AGBL3: variants seen among roughly 807,000 people sequenced by gnomAD.
The protein encoded by AGBL3 is AGBL carboxypeptidase 3.
AGBL3 carries 68 observed loss-of-function variants against 94.5 expected under a neutral mutation model. The observed-to-expected ratio is 0.72, with a 90% CI of 0.59 to 0.88. AGBL3 has a LOEUF of 0.88. Ranked by LOEUF, AGBL3 falls within the 40% of genes least tolerant of loss-of-function variation. The pLI is 0.00. For synonymous variants in AGBL3, 354 were observed against 370.7 expected, an observed-to-expected ratio of 0.95 and a Z score of 0.52; for missense variants, 934 against 1,103.8, an observed-to-expected ratio of 0.85 and a Z score of 2.18.
At chr7:135,077,196 C>T (rs1249522288) in intron 13 of AGBL3, among the ~76,000 whole-genome samples, 2 of 152,140 alleles carry the variant, frequency 1.3e-5, no homozygotes, top group African/African-American at 4.8e-5. Flanking sequence ...CTGTTGCTAA[C>T]TCAGGTGAGT....
chr7:135,073,807 T>C (rs1174662556), intron 12 of AGBL3, among the ~76,000 whole-genome samples: 1 of 152,110 alleles, frequency 6.6e-6, no homozygotes, highest in Non-Finnish European at 1.5e-5. Context: ...GCCTTTTTTA[T>C]GCAAATAAGC....
At position 135,135,013 on chromosome 7, in the gene AGBL3, A is replaced by G. The variant is rs758476920; in HGVS notation, c.2515A>G (p.Asn839Asp). Residue 839 changes from asparagine (N) to aspartate (D), a missense_variant, in exon 17 of 17, where the codon AAT (asparagine) becomes GAT (aspartate). Asn to Asp is a conservative substitution (Grantham distance 23, BLOSUM62 1). Around this residue, in one of 3 missense-constraint regions of AGBL3, gnomAD observed 441 missense variants for 518.2 expected, o/e 0.85. Transcript: ENST00000436302. ...ATCACCTCTCAAAGGCCCCAAGAAGAATAAACATTCTCAAATCTGGGCCAT... is the reference window on the plus strand; with the variant it reads ...ATCACCTCTCAAAGGCCCCAAGAAGGATAAACATTCTCAAATCTGGGCCAT... ...SLSPLKGPKK[N>D]KHSQIWAIKN... The G allele has an allele frequency of 3.9e-6, 6 of 1,551,100 alleles. No homozygotes were observed. Among genetic ancestry groups the G allele is most frequent in the Middle Eastern group, 1.7e-4 (1 of 6,014 alleles).
At chr7:135,131,459 T>A (rs369917008) in intron 16 of AGBL3, among the ~76,000 whole-genome samples, 2 of 149,884 alleles carry the variant, frequency 1.3e-5, no homozygotes, top group Admixed American at 6.6e-5. Context: ...AAACAAAAAT[T>A]AAAAAAAAAA....
chr7:135,129,622 C>T lies in AGBL3; in HGVS notation c.2343-5219C>T, dbSNP rs1279209062. ...AAACATTTCACTGATCCTGCTTCAACATGTCTTAAACAGCTGTTTTATGCT... is the reference window on the plus strand; with the variant it reads ...AAACATTTCACTGATCCTGCTTCAATATGTCTTAAACAGCTGTTTTATGCT... On this transcript the variant is annotated intron_variant, in intron 16 of 16. Transcript: ENST00000436302. The T allele has an allele frequency of 1.2e-5, 9 of 777,204 alleles. No homozygotes were observed. In the Admixed American group the frequency reaches 1.4e-4, roughly 12 times the overall value. 48.1% of individuals were successfully genotyped at this position (777,204 alleles called of 1,614,324 possible).
intron 4 of AGBL3, among the ~76,000 whole-genome samples, chr7:135,009,761 A>C (rs959553677): frequency 2.0e-5 from 3 of 152,202 alleles, no homozygotes; most frequent in Admixed American, 1.3e-4. Flanking sequence ...CTGCAGCCCC[A>C]AGGGGCTTCA....
chr7:135,081,028 A>T lies in AGBL3; in HGVS notation c.2039-691A>T, dbSNP rs191598084. Among the ~76,000 whole-genome samples the T allele has an allele frequency of 3.9e-5, 6 of 151,940 alleles. No homozygotes were observed. The East Asian group carries it at 1.2e-3, about 29-fold the overall frequency. Reference sequence around the variant, plus strand: ...TATAAGTGGAGATAAGAACCTAAGAACCATGCCTAGGAAAGGGAAGAATAC... The same window carrying T: ...TATAAGTGGAGATAAGAACCTAAGATCCATGCCTAGGAAAGGGAAGAATAC... On this transcript the variant is annotated intron_variant, in intron 14 of 16. Transcript: ENST00000436302.
chr7:135,020,669 T>A (rs1247432099), intron 5 of AGBL3, among the ~76,000 whole-genome samples: 4 of 152,112 alleles, frequency 2.6e-5, no homozygotes, highest in Admixed American at 1.3e-4. Flanking sequence ...CAAATGTCCA[T>A]CAATGATAGA....
At chr7:135,006,230 A>T (rs1026504223) in intron 4 of AGBL3, among the ~76,000 whole-genome samples, 5 of 151,732 alleles carry the variant, frequency 3.3e-5, no homozygotes, top group Non-Finnish European at 7.4e-5. Context: ...TATTTTTTTT[A>T]AAAAAGCTTT....
Position 135,123,937 on chromosome 7 carries a change from C to T in AGBL3, c.2342+8326C>T, listed in dbSNP as rs544946038. Among the ~76,000 whole-genome samples the T allele has an allele frequency of 1.3e-3, 198 of 152,048 alleles. 3 individuals carry two copies. Among genetic ancestry groups the T allele is most frequent in the African/African-American group, 4.7e-3 (196 of 41,530 alleles). ...AAAACCAGTACCAGCCACTGCAAAACCACACCAAAATATAAAGACCAATGA... is the reference window on the plus strand; with the variant it reads ...AAAACCAGTACCAGCCACTGCAAAATCACACCAAAATATAAAGACCAATGA... On this transcript the variant is annotated intron_variant, in intron 16 of 16. Coordinates refer to ENST00000436302, the MANE Select transcript of AGBL3 (RefSeq NM_178563.4).
At chr7:135,008,410 C>T (rs933983080) in intron 4 of AGBL3, among the ~76,000 whole-genome samples, 1 of 151,846 alleles carries the variant, frequency 6.6e-6, no homozygotes, top group African/African-American at 2.4e-5. Context: ...CAAATGGCAC[C>T]CAGACAACTG....
intron 4 of AGBL3, among the ~76,000 whole-genome samples, chr7:135,002,075 C>T (rs1034849514): frequency 1.3e-5 from 2 of 152,196 alleles, no homozygotes; most frequent in Admixed American, 1.3e-4. Context: ...ACCACTCTTT[C>T]ACCACATTTC....
intron 1 of AGBL3, among the ~76,000 whole-genome samples, chr7:134,987,350 C>A (rs1462642221): frequency 6.6e-6 from 1 of 152,040 alleles, no homozygotes; most frequent in Non-Finnish European, 1.5e-5. Context: ...ATGGTCATTA[C>A]CAATACAACC....
chr7:135,128,747 C>A, intron 16 of AGBL3: 2 of 1,366,994 alleles, frequency 1.5e-6, no homozygotes, highest in Admixed American at 1.8e-5. Context: ...ACAGCTCAAG[C>A]CTCTCCCAAC....
intron 7 of AGBL3, among the ~76,000 whole-genome samples, chr7:135,036,800 C>T (rs1483930029): frequency 2.0e-5 from 3 of 152,030 alleles, no homozygotes; most frequent in Non-Finnish European, 2.9e-5. Context: ...AAAGAAAATA[C>T]GTGAAAGGTA....
At chr7:134,994,211 T>G (rs2133377598) in intron 4 of AGBL3, among the ~76,000 whole-genome samples, 1 of 152,350 alleles carries the variant, frequency 6.6e-6, no homozygotes, top group East Asian at 1.9e-4. Context: ...TATTTCCTCC[T>G]TGTAGGTCTG....
chr7:135,127,880 G>A (rs1828111431), intron 16 of AGBL3, among the ~76,000 whole-genome samples: 1 of 152,190 alleles, frequency 6.6e-6, no homozygotes, highest in Admixed American at 6.5e-5. Context: ...GCACACATAT[G>A]TTTATTGCAG....
At chr7:135,038,283 A>G (rs979542320) in intron 8 of AGBL3, among the ~76,000 whole-genome samples, 2 of 152,204 alleles carry the variant, frequency 1.3e-5, no homozygotes, top group African/African-American at 4.8e-5. Flanking sequence ...ATAAAAAGGA[A>G]AGGATGATCT....
intron 12 of AGBL3, among the ~76,000 whole-genome samples, chr7:135,067,070 C>G (rs980008736): frequency 6.6e-6 from 1 of 152,234 alleles, no homozygotes; most frequent in Admixed American, 6.5e-5. Flanking sequence ...TCTTAGCAAA[C>G]AGCACACCAG....
intron 4 of AGBL3, chr7:135,012,628 T>A (rs986266864): frequency 1.3e-5 from 2 of 152,004 alleles, no homozygotes; most frequent in Admixed American, 1.3e-4. Flanking sequence ...TGTCCAGAAA[T>A]AGACCAACGT....
Sources: allele counts gnomAD v4.1 joint callset (sites outside exome capture counted in the v4.1 genomes callset), GRCh38; gene constraint gnomAD v4.1.1; regional missense constraint gnomAD v4.1.1; transcripts MANE v1.5; gene names NCBI Gene and HGNC (gene_info 2026-07-23, HGNC 2026-07-21).